CD2AP: variants seen among roughly 807,000 people sequenced by gnomAD.
The protein encoded by CD2AP is CD2-associated protein.
CD2AP carries 46 observed loss-of-function variants against 85.1 expected under a neutral mutation model. That is an observed-to-expected ratio of 0.54 (90% CI 0.43 to 0.69). The LOEUF (loss-of-function observed/expected upper bound fraction) is 0.69. CD2AP is among the 30% of genes least tolerant of loss of function. CD2AP has a pLI of 0.00. For missense variants in CD2AP, 769 were observed against 729.5 expected, an observed-to-expected ratio of 1.05 and a Z score of -0.62; for synonymous variants, 255 against 252.9, an observed-to-expected ratio of 1.01 and a Z score of -0.08.
At chr6:47,599,737 A>AC (rs1562051168) in intron 13 of CD2AP, among the ~76,000 whole-genome samples, 1 of 152,184 alleles carries the variant, frequency 6.6e-6, no homozygotes, top group East Asian at 1.9e-4. Context: ...TGACTGTACT[A>AC]CCCAACGGAG....
At chr6:47,578,642 T>C (rs1340145132) in intron 8 of CD2AP, among the ~76,000 whole-genome samples, 2 of 151,906 alleles carry the variant, frequency 1.3e-5, no homozygotes, top group Admixed American at 6.6e-5. Flanking sequence ...TCTTTTCCAC[T>C]TCCTTTCATT....
intron 4 of CD2AP, among the ~76,000 whole-genome samples, chr6:47,547,001 G>A (rs2114049737): frequency 6.6e-6 from 1 of 152,272 alleles, no homozygotes; most frequent in East Asian, 1.9e-4. Context: ...TACGAAGCCA[G>A]TACTGCAAGA....
chr6:47,599,528 G>A (rs1356055194), intron 13 of CD2AP, 85 bp downstream of exon 13: 6 of 1,224,020 alleles, frequency 4.9e-6, no homozygotes, highest in East Asian at 2.5e-5. Flanking sequence ...TGCAATTTGT[G>A]TGTGGATAAA....
At chr6:47,522,307 AGT>A (rs1766619016) in intron 2 of CD2AP, among the ~76,000 whole-genome samples, 1 of 152,210 alleles carries the variant, frequency 6.6e-6, no homozygotes, top group African/African-American at 2.4e-5. Flanking sequence ...TACTTAAAAG[AGT>A]GTTAGCAGGA....
chr6:47,547,952 G>A (rs1243117429), intron 4 of CD2AP, among the ~76,000 whole-genome samples: 1 of 152,070 alleles, frequency 6.6e-6, no homozygotes, highest in Non-Finnish European at 1.5e-5. Context: ...AATCAAGATG[G>A]AAATTAAAAA....
At chr6:47,544,557 TA>T (rs1562024785) in intron 3 of CD2AP, 48 bp from the exon 4 acceptor site, 1 of 1,227,470 alleles carries the variant, frequency 8.1e-7, no homozygotes, top group Non-Finnish European at 1.2e-6. Context: ...ATACTGTTTT[TA>T]AAAATGATCA....
chr6:47,573,790 T>C (rs1408860789), intron 5 of CD2AP, among the ~76,000 whole-genome samples: 4 of 152,084 alleles, frequency 2.6e-5, no homozygotes, highest in Non-Finnish European at 5.9e-5. Flanking sequence ...CAACATGCTG[T>C]TTTTAAGGAC....
chr6:47,496,280 T>TA lies in CD2AP; in HGVS notation c.5-6999dup, dbSNP rs146916668. On this transcript the variant is annotated intron_variant, in intron 1 of 17. Transcript: ENST00000359314. ...GTATTTTCTTTCCACACATTTAAGA[T>TA]ACTAATCTGCTTCCTTCTGGCTCCC... is the stretch of plus-strand genomic sequence containing the variant. Among the ~76,000 whole-genome samples the TA allele has an allele frequency of 3.3e-3, 495 of 152,276 alleles. 3 individuals are homozygous for TA. Among genetic ancestry groups the TA allele is most frequent in the African/African-American group, 0.011 (466 of 41,572 alleles).
At chr6:47,479,243 A>G (rs150809756) in intron 1 of CD2AP, among the ~76,000 whole-genome samples, 1 of 152,320 alleles carries the variant, frequency 6.6e-6, no homozygotes, top group African/African-American at 2.4e-5. Flanking sequence ...CACTTTTTGC[A>G]GTTGAGAGTT....
intron 5 of CD2AP, among the ~76,000 whole-genome samples, chr6:47,555,805 T>A (rs1478503750): frequency 1.3e-5 from 1 of 79,922 alleles, no homozygotes; most frequent in Admixed American, 1.1e-4. Context: ...ACAGGAATAA[T>A]TTTTTTTTTA....
At chr6:47,539,115 CA>C (rs1392061134) in intron 3 of CD2AP, among the ~76,000 whole-genome samples, 9 of 152,108 alleles carry the variant, frequency 5.9e-5, no homozygotes, top group African/African-American at 1.9e-4. Context: ...CACAGTCTAG[CA>C]GGGGCGAACA....
intron 1 of CD2AP, among the ~76,000 whole-genome samples, chr6:47,492,948 G>A (rs1765771171): frequency 2.0e-5 from 3 of 151,908 alleles, no homozygotes; most frequent in Admixed American, 2.0e-4. Flanking sequence ...TATAACTAAT[G>A]TTAAATTCAG....
intron 1 of CD2AP, among the ~76,000 whole-genome samples, chr6:47,489,905 A>G (rs1765680503): frequency 6.6e-6 from 1 of 151,912 alleles, no homozygotes; most frequent in Non-Finnish European, 1.5e-5. Flanking sequence ...AGAAATTTAA[A>G]TATTTATCTT....
chr6:47,579,253 T>A (rs2114104018), intron 8 of CD2AP, 132 bp from the exon 9 acceptor site: 1 of 641,840 alleles, frequency 1.6e-6, no homozygotes, highest in Admixed American at 2.5e-5. Context: ...GAGGATCACT[T>A]GAGCCCAGGA....
At chr6:47,492,435 C>A (rs1765759902) in intron 1 of CD2AP, among the ~76,000 whole-genome samples, 1 of 149,912 alleles carries the variant, frequency 6.7e-6, no homozygotes, top group South Asian at 2.1e-4. Flanking sequence ...TCACTGCAAC[C>A]TCAAACTCCT....
At chr6:47,623,861 T>TATCC (rs1405453734) in intron 17 of CD2AP, among the ~76,000 whole-genome samples, 3 of 152,194 alleles carry the variant, frequency 2.0e-5, no homozygotes, top group Non-Finnish European at 4.4e-5. Flanking sequence ...TGTACATTTC[T>TATCC]TAATTTGGTT....
At chr6:47,601,402 A>T (rs956638601) in intron 13 of CD2AP, among the ~76,000 whole-genome samples, 2 of 152,076 alleles carry the variant, frequency 1.3e-5, no homozygotes. Context: ...TATTCCTTCC[A>T]CTTAATTATA....
In CD2AP at chr6:47,625,951, C is replaced by T. The variant is rs1315544305; in HGVS notation, c.*1724C>T. 6.6e-6 allele frequency: 1 copy of T among 151,798 alleles called. No individual in the cohort carries two copies. Among genetic ancestry groups the T allele is most frequent in the African/African-American group, 2.4e-5 (1 of 41,402 alleles). The allele number at this position is 151,798 out of a possible 1,614,324, so 9.4% of individuals were successfully genotyped here. On this transcript the variant is annotated 3_prime_UTR_variant, in exon 18 of 18. Transcript: ENST00000359314. ...AATAGAATAGGTTTAAATGACTAGT[C>T]AAATGAATTATTTTCTTCTTGTTAA... is the stretch of plus-strand genomic sequence containing the variant.
intron 1 of CD2AP, among the ~76,000 whole-genome samples, chr6:47,494,955 T>C (rs1415400892): frequency 6.6e-6 from 1 of 151,484 alleles, no homozygotes; most frequent in Non-Finnish European, 1.5e-5. Flanking sequence ...AGCCAAGGAG[T>C]TCGAGACAAG....
Sources: allele counts gnomAD v4.1 joint callset (sites outside exome capture counted in the v4.1 genomes callset), GRCh38; gene constraint gnomAD v4.1.1; transcripts MANE v1.5; gene names NCBI Gene and HGNC (gene_info 2026-07-23, HGNC 2026-07-21).